Variants in FHOD3 observed in about 807,000 individuals in gnomAD.
The protein encoded by FHOD3 is formin homology 2 domain containing 3, also known as FH1/FH2 domain-containing protein 3.
A neutral mutation model predicts 173.0 loss-of-function variants in FHOD3; 90 were observed. The ratio of observed to expected loss-of-function variants is 0.52; its 90% CI spans 0.44 to 0.62. The LOEUF is 0.62. FHOD3 is among the 20% of genes least tolerant of loss of function. The pLI, the probability that FHOD3 is intolerant of heterozygous loss-of-function variation, is 0.00. For synonymous variants in FHOD3, 828 were observed against 823.0 expected, an observed-to-expected ratio of 1.01 and a Z score of -0.10; for missense variants, 1,945 against 2,034.7, an observed-to-expected ratio of 0.96 and a Z score of 0.85.
chr18:36,547,730 C>A (rs1274283261), intron 5 of FHOD3, among the ~76,000 whole-genome samples: 1 of 152,170 alleles, frequency 6.6e-6, no homozygotes, highest in African/African-American at 2.4e-5. Context: ...ACCCGCAGAT[C>A]GTTGGAGGCA....
At chr18:36,424,330 C>CT (rs760527702) in intron 3 of FHOD3, among the ~76,000 whole-genome samples, 1 of 152,118 alleles carries the variant, frequency 6.6e-6, no homozygotes, top group Non-Finnish European at 1.5e-5. Context: ...AGGCTCCTCT[C>CT]TTTTTTCCCC....
At chr18:36,380,588 C>T (rs760327049) in intron 3 of FHOD3, among the ~76,000 whole-genome samples, 17 of 112,264 alleles carry the variant, frequency 1.5e-4, no homozygotes, top group African/African-American at 3.3e-4. Flanking sequence ...TTTTCCTTTC[C>T]TTTCCTTTCC....
chr18:36,595,375 C>T (rs542533687), intron 7 of FHOD3, among the ~76,000 whole-genome samples: 10 of 152,308 alleles, frequency 6.6e-5, no homozygotes, highest in Admixed American at 3.9e-4. Flanking sequence ...CCAAACAGTT[C>T]GGTCACATCC....
chr18:36,447,039 C>G (rs1445265490), intron 3 of FHOD3, among the ~76,000 whole-genome samples: 1 of 152,148 alleles, frequency 6.6e-6, no homozygotes, highest in Non-Finnish European at 1.5e-5. Flanking sequence ...AAGATGCTTG[C>G]AAATGGCACC....
chr18:36,356,792 C>T (rs907594700), intron 2 of FHOD3, among the ~76,000 whole-genome samples: 10 of 151,990 alleles, frequency 6.6e-5, no homozygotes, highest in African/African-American at 1.9e-4. Flanking sequence ...TGTGCCACCA[C>T]GCCCTGCTAA....
At chr18:36,748,729 G>A (rs1240784937) in intron 24 of FHOD3, among the ~76,000 whole-genome samples, 3 of 152,182 alleles carry the variant, frequency 2.0e-5, no homozygotes, top group Non-Finnish European at 4.4e-5. Flanking sequence ...GCTAAAGGGA[G>A]GTGGTACCCG....
At chr18:36,345,947 A>T (rs543913991) in intron 1 of FHOD3, among the ~76,000 whole-genome samples, 1 of 152,358 alleles carries the variant, frequency 6.6e-6, no homozygotes, top group East Asian at 1.9e-4. Context: ...ACATGAAGTA[A>T]GCAGTTATCT....
chr18:36,419,357 C>T (rs1360437229), intron 3 of FHOD3, among the ~76,000 whole-genome samples: 3 of 151,906 alleles, frequency 2.0e-5, no homozygotes, highest in Admixed American at 6.5e-5. Flanking sequence ...GTGGCCAGGG[C>T]AGCTGTAGTG....
chr18:36,548,692 T>C lies in FHOD3; in HGVS notation c.512-27759T>C, dbSNP rs7236813. ...TGTATGAATTGGATCATACAGTACA[T>C]GTCCTTTTATTGTCTGGCTTCTTTC... On this transcript the variant is annotated intron_variant, in intron 5 of 28. Coordinates refer to ENST00000590592, the MANE Select transcript of FHOD3 (RefSeq NM_001281740.3). 7.2e-3 allele frequency among the ~76,000 whole-genome samples: 1,094 copies of C among 152,334 alleles called. 14 individuals are homozygous for C. The highest frequency in any genetic ancestry group is 0.025 in the African/African-American group (1,035 of 41,582).
intron 4 of FHOD3, among the ~76,000 whole-genome samples, chr18:36,503,566 G>A (rs549165536): frequency 6.6e-6 from 1 of 152,164 alleles, no homozygotes; most frequent in African/African-American, 2.4e-5. Flanking sequence ...CAACAGCCAT[G>A]GTTTTGAACC....
intron 1 of FHOD3, among the ~76,000 whole-genome samples, chr18:36,349,180 G>C (rs1328114884): frequency 6.6e-6 from 1 of 152,186 alleles, no homozygotes; most frequent in Non-Finnish European, 1.5e-5. Context: ...GTGAGCGGGG[G>C]TGGCAGGAGC....
At chr18:36,666,990 AT>A (rs1300664038) in intron 14 of FHOD3, among the ~76,000 whole-genome samples, 4 of 152,160 alleles carry the variant, frequency 2.6e-5, no homozygotes, top group Admixed American at 2.0e-4. Context: ...TGTTTTTAGC[AT>A]TTTATATAAG....
rs188389754 is a variant in FHOD3 at position 36,645,374 on chromosome 18, G to T, written c.1197-3942G>T. ...ATCAGAGGCTGCAGTGAACCAAGAT[G>T]GTGAGATTGTGCCACTGCACCTCAG... On this transcript the variant is annotated intron_variant, in intron 10 of 28. Transcript: ENST00000590592. 9.5e-4 allele frequency among the ~76,000 whole-genome samples: 144 copies of T among 152,272 alleles called. 1 individual carries two copies. The highest frequency in any genetic ancestry group is 9.1e-4 in the Non-Finnish European group (62 of 68,010).
At chr18:36,717,737 C>T (rs1467661325) in intron 18 of FHOD3, 95 bp from the exon 19 acceptor site, 17 of 1,485,860 alleles carry the variant, frequency 1.1e-5, no homozygotes, top group Non-Finnish European at 1.4e-5. Flanking sequence ...TCTGAAGTCA[C>T]TCCCATGTGT....
chr18:36,530,174 C>T (rs185467000), intron 5 of FHOD3, among the ~76,000 whole-genome samples: 17 of 152,230 alleles, frequency 1.1e-4, no homozygotes, highest in Admixed American at 5.9e-4. Context: ...ACTTAGAAAA[C>T]GGTATAAAGA....
At chr18:36,659,230 C>T (rs2036618486) in intron 14 of FHOD3, among the ~76,000 whole-genome samples, 1 of 152,170 alleles carries the variant, frequency 6.6e-6, no homozygotes, top group African/African-American at 2.4e-5. Flanking sequence ...TTTGCCTAGT[C>T]ACATGTCACT....
intron 5 of FHOD3, among the ~76,000 whole-genome samples, chr18:36,540,800 T>C (rs542954967): frequency 1.1e-4 from 16 of 152,278 alleles, no homozygotes; most frequent in African/African-American, 3.6e-4. Flanking sequence ...AGGGCCTATG[T>C]TGTGGGGCAG....
At chr18:36,596,202 T>A (rs181649988) in intron 7 of FHOD3, among the ~76,000 whole-genome samples, 2 of 152,154 alleles carry the variant, frequency 1.3e-5, no homozygotes, top group East Asian at 3.9e-4. Flanking sequence ...TCGCCCAGGC[T>A]GGAGTGCAGT....
At chr18:36,546,287 A>C (rs115322782) in intron 5 of FHOD3, among the ~76,000 whole-genome samples, 2,606 of 152,190 alleles carry the variant, frequency 0.017, 89 homozygotes, top group African/African-American at 0.059. Flanking sequence ...ACTTAATGGC[A>C]CCTTGGCCTT....
Sources: allele counts gnomAD v4.1 joint callset (sites outside exome capture counted in the v4.1 genomes callset), GRCh38; gene constraint gnomAD v4.1.1; transcripts MANE v1.5; gene names NCBI Gene and HGNC (gene_info 2026-07-23, HGNC 2026-07-21).